SLIT1: variants seen among roughly 807,000 people sequenced by gnomAD.
SLIT1 encodes the protein slit guidance ligand 1, also known as slit homolog 1 protein.
In SLIT1, 66 loss-of-function variants were observed where a neutral mutation model predicts 186.1. That is an observed-to-expected ratio of 0.35 (90% confidence interval 0.29 to 0.44). The LOEUF (loss-of-function observed/expected upper bound fraction) is 0.44. Among genes scored for constraint, SLIT1 ranks in the 20% least tolerant of loss-of-function variants. The pLI is 1.00. For synonymous variants in SLIT1, 761 were observed against 833.8 expected (o/e 0.91, Z 1.50); for missense variants, 1,638 against 2,037.4 (o/e 0.80, Z 3.77).
chr10:97,129,429 T>C (rs1217039383), intron 4 of SLIT1, among the ~76,000 whole-genome samples: 3 of 151,882 alleles, frequency 2.0e-5, no homozygotes, highest in African/African-American at 7.3e-5. Flanking sequence ...CATAGTGTGT[T>C]GTGAGGATTA....
intron 4 of SLIT1, among the ~76,000 whole-genome samples, chr10:97,115,100 C>A (rs1013681543): frequency 6.6e-6 from 1 of 152,170 alleles, no homozygotes; most frequent in Admixed American, 6.5e-5. Flanking sequence ...TTTCCCATTG[C>A]GACATCAGAG....
intron 22 of SLIT1, among the ~76,000 whole-genome samples, chr10:97,037,419 A>C (rs1038865202): frequency 6.6e-6 from 1 of 152,000 alleles, no homozygotes; most frequent in African/African-American, 2.4e-5. Context: ...TAACCCTTTT[A>C]ACAGTCACGA....
chr10:97,046,589 CTT>C, intron 18 of SLIT1, 63 bp downstream of exon 18: 1 of 1,492,038 alleles, frequency 6.7e-7, no homozygotes, highest in Non-Finnish European at 8.9e-7. Context: ...CTCTCTCTTC[CTT>C]TCCCTTGGCT....
At chr10:97,123,979 T>A (rs1327343509) in intron 4 of SLIT1, among the ~76,000 whole-genome samples, 1 of 152,014 alleles carries the variant, frequency 6.6e-6, no homozygotes, top group Admixed American at 6.6e-5. Flanking sequence ...AATCCCTCCA[T>A]CAGACAGTGT....
At chr10:97,018,950 C>A in intron 27 of SLIT1, 33 bp downstream of exon 27, 1 of 1,363,128 alleles carries the variant, frequency 7.3e-7, no homozygotes, top group Non-Finnish European at 1.0e-6. Context: ...ACACGAAGAG[C>A]CCTCCTCCTC....
intron 4 of SLIT1, among the ~76,000 whole-genome samples, chr10:97,124,845 G>A (rs529149238): frequency 9.2e-5 from 14 of 152,306 alleles, no homozygotes; most frequent in Admixed American, 3.3e-4. Context: ...GCGACCCAAC[G>A]TACGTTGCTT....
chr10:97,010,422 G>A lies in SLIT1; in HGVS notation c.3341+571C>T, dbSNP rs561506403. Among the ~76,000 whole-genome samples, 5 of 152,222 alleles carry A rather than the reference G, an allele frequency of 3.3e-5. No individual in the cohort carries two copies. Among genetic ancestry groups the A allele is most frequent in the Admixed American group, 1.3e-4 (2 of 15,286 alleles). On this transcript the variant is annotated intron_variant, in intron 31 of 36. Transcript: ENST00000266058. This position sits in a 1 kb window ranked among gnomAD's most constrained non-coding sequence, Gnocchi z 4.8. ...TGGAGCTGGGATAGAAGAGGGGCTG[G>A]TGTGACAGATAAAGGGTATGGGGTT... is the stretch of plus-strand genomic sequence containing the variant.
chr10:97,078,956 G>A (rs574250082), intron 4 of SLIT1, among the ~76,000 whole-genome samples: 5 of 152,292 alleles, frequency 3.3e-5, no homozygotes, highest in African/African-American at 4.8e-5. Flanking sequence ...AAGTTCCCAG[G>A]CCAGACACAC....
intron 4 of SLIT1, among the ~76,000 whole-genome samples, chr10:97,090,195 G>A (rs893500526): frequency 3.3e-5 from 5 of 152,216 alleles, no homozygotes; most frequent in African/African-American, 7.2e-5. Context: ...CAGAGATGGA[G>A]GAGTGCCGTG....
intron 1 of SLIT1, among the ~76,000 whole-genome samples, chr10:97,174,370 C>G (rs138668782): frequency 1.3e-5 from 2 of 152,204 alleles, no homozygotes; most frequent in Non-Finnish European, 2.9e-5. Flanking sequence ...ATACTCAAGG[C>G]CTTGCACGCA....
chr10:97,042,446 T>C (rs187105761), intron 20 of SLIT1, among the ~76,000 whole-genome samples: 8 of 152,010 alleles, frequency 5.3e-5, no homozygotes, highest in South Asian at 2.1e-4. Flanking sequence ...AAACAAGGCA[T>C]TGGAGCAAAG....
chr10:97,018,492 G>A, intron 28 of SLIT1, 94 bp downstream of exon 28: 1 of 745,818 alleles, frequency 1.3e-6, no homozygotes, highest in Non-Finnish European at 2.2e-6. Context: ...GGGCACAGGA[G>A]GCCTGGGCCA....
intron 30 of SLIT1, among the ~76,000 whole-genome samples, chr10:97,013,007 A>G (rs1000334753): frequency 9.2e-5 from 14 of 152,370 alleles, no homozygotes; most frequent in Middle Eastern, 3.4e-3. Context: ...ATTTTCACAT[A>G]TGCCAATAAC....
intron 1 of SLIT1, 115 bp from the exon 2 acceptor site, chr10:97,165,005 G>C: frequency 2.6e-6 from 2 of 772,722 alleles, no homozygotes; most frequent in South Asian, 2.8e-5. Context: ...CATCAGCGGG[G>C]CTGGGGGCTT....
rs1306445633 is a variant in SLIT1, at chr10:97,184,807, GGT to G, written c.197+669_197+670del. Among the ~76,000 whole-genome samples, 3 of 152,160 alleles carry G rather than the reference GGT, an allele frequency of 2.0e-5. No homozygotes were observed. Among genetic ancestry groups the G allele is most frequent in the Non-Finnish European group, 4.4e-5 (3 of 68,042 alleles). On this transcript the variant is annotated intron_variant, in intron 1 of 36. Coordinates refer to ENST00000266058, the MANE Select transcript of SLIT1 (RefSeq NM_003061.3). This position sits in a 1 kb window ranked among gnomAD's most constrained non-coding sequence, Gnocchi z 4.4. ...TCCAAGACACACCTGCCCCTTTTCG[GGT>G]GCTGAATGTTACATACCCCAAGCCC...
intron 4 of SLIT1, among the ~76,000 whole-genome samples, chr10:97,132,400 G>A (rs913443321): frequency 3.9e-5 from 6 of 152,156 alleles, no homozygotes; most frequent in South Asian, 2.1e-4. Context: ...TCCCAGCTCC[G>A]ATGTCTGAGA....
chr10:97,119,660 C>T (rs906598702), intron 4 of SLIT1, among the ~76,000 whole-genome samples: 1 of 150,708 alleles, frequency 6.6e-6, no homozygotes, highest in African/African-American at 2.4e-5. Flanking sequence ...TGCATCTGAC[C>T]CCCAGAGACA....
intron 4 of SLIT1, among the ~76,000 whole-genome samples, chr10:97,150,139 G>A (rs78893846): frequency 0.072 from 11,011 of 152,198 alleles, 643 homozygotes; most frequent in African/African-American, 0.17. Context: ...GCAGGAAGGA[G>A]GCTCTGGCTG....
chr10:97,119,913 GTA>G (rs55656011), intron 4 of SLIT1, among the ~76,000 whole-genome samples: 5,752 of 56,378 alleles, frequency 0.1, 280 homozygotes, highest in African/African-American at 0.14. Context: ...TTCCAAAGGG[GTA>G]TATATATATA....
Sources: gnomAD v4.1 joint callset for allele counts (sites outside exome capture counted in the v4.1 genomes callset) on GRCh38, gnomAD v4.1.1 for gene constraint, Gnocchi (gnomAD v3.1) non-coding constraint, MANE v1.5 for transcripts, NCBI Gene and HGNC (gene_info 2026-07-23, HGNC 2026-07-21) for gene names.